The following ANTXR2 variants were observed in gnomAD, a reference collection of about 807,000 sequenced individuals.
The protein encoded by ANTXR2 is ANTXR cell adhesion molecule 2.
ANTXR2 carries 44 observed loss-of-function variants against 73.7 expected under a neutral mutation model. The ratio of observed to expected loss-of-function variants is 0.60; its 90% confidence interval spans 0.47 to 0.77. The LOEUF (loss-of-function observed/expected upper bound fraction) is 0.77, where lower values mean the gene tolerates loss of function less well. ANTXR2 is among the 30% of genes least tolerant of loss of function. The pLI is 0.00. For missense variants in ANTXR2, 604 were observed against 592.5 expected, an observed-to-expected ratio of 1.02 and a Z score of -0.20; for synonymous variants, 217 against 205.9, an observed-to-expected ratio of 1.05 and a Z score of -0.46.
rs1726908091 is a variant in ANTXR2 at position 79,906,342 on chromosome 4, C to G, written c.*1087G>C. 1 of 152,484 alleles carries G rather than the reference C, an allele frequency of 6.6e-6. No homozygotes were observed. The highest frequency in any genetic ancestry group is 1.5e-5 in the Non-Finnish European group (1 of 68,012). 9.4% of individuals were successfully genotyped at this position (152,484 alleles called of 1,614,324 possible). On this transcript the variant is annotated 3_prime_UTR_variant, in exon 17 of 17. Transcript: ENST00000403729. ...CATACAGTAATAGGTCATTCAATGT[C>G]AAAAGGCATAAAAAAGATGAGCAAA...
intron 16 of ANTXR2, among the ~76,000 whole-genome samples, chr4:79,962,344 G>A (rs1366522806): frequency 1.3e-5 from 2 of 152,082 alleles, no homozygotes; most frequent in Non-Finnish European, 2.9e-5. Flanking sequence ...ATGTTCATGA[G>A]ATGGATTATT....
rs377409784 is a variant in ANTXR2, at chr4:80,072,646, C to G, written c.-86G>C. On this transcript the variant is annotated 5_prime_UTR_variant, in exon 1 of 17. Coordinates refer to ENST00000403729, the MANE Select transcript of ANTXR2 (RefSeq NM_058172.6). ...CAAAGGTGGCGGGAGTCACCCGGCACGCACTCTGGGGTGGGGGGCGGCGAG... is the reference window on the plus strand; with the variant it reads ...CAAAGGTGGCGGGAGTCACCCGGCAGGCACTCTGGGGTGGGGGGCGGCGAG... 4.4e-6 allele frequency: 6 copies of G among 1,354,804 alleles called. No homozygotes were observed. In the Admixed American group the frequency reaches 1.8e-4, roughly 42 times the overall value. 83.9% of individuals were successfully genotyped at this position (1,354,804 alleles called of 1,614,324 possible).
intron 15 of ANTXR2, 61 bp downstream of exon 15, chr4:79,977,945 CA>C: frequency 2.0e-6 from 3 of 1,503,444 alleles, no homozygotes; most frequent in South Asian, 2.7e-5. Flanking sequence ...GGATGTGGTA[CA>C]AAAAAAGTTA....
intron 16 of ANTXR2, among the ~76,000 whole-genome samples, chr4:79,974,595 T>C (rs1005273707): frequency 1.3e-5 from 2 of 151,810 alleles, no homozygotes; most frequent in East Asian, 3.8e-4. Context: ...TATATATTAA[T>C]ATATAATAGA....
intron 3 of ANTXR2, among the ~76,000 whole-genome samples, chr4:80,063,467 TAA>T (rs1734355762): frequency 6.6e-6 from 1 of 151,798 alleles, no homozygotes; most frequent in Non-Finnish European, 1.5e-5. Flanking sequence ...CTTGTTGAAA[TAA>T]AATCAAACCA....
intron 13 of ANTXR2, among the ~76,000 whole-genome samples, 195 bp downstream of exon 13, chr4:79,984,624 T>C (rs551428509): frequency 6.6e-6 from 1 of 152,246 alleles, no homozygotes; most frequent in South Asian, 2.1e-4. Context: ...TATCTAGTAA[T>C]GTATGAAGTT....
At chr4:79,931,106 C>A (rs1728038069) in intron 16 of ANTXR2, among the ~76,000 whole-genome samples, 1 of 152,168 alleles carries the variant, frequency 6.6e-6, no homozygotes, top group African/African-American at 2.4e-5. Flanking sequence ...TCTACCAAAT[C>A]TAATCAACTA....
At chr4:80,046,239 C>A (rs1013742450) in intron 7 of ANTXR2, among the ~76,000 whole-genome samples, 1 of 151,710 alleles carries the variant, frequency 6.6e-6, no homozygotes, top group Admixed American at 6.6e-5. Context: ...TCTTCCACAT[C>A]TCACAATTCT....
At chr4:79,966,021 C>A (rs370701223) in intron 16 of ANTXR2, among the ~76,000 whole-genome samples, 5 of 152,102 alleles carry the variant, frequency 3.3e-5, no homozygotes, top group South Asian at 2.1e-4. Context: ...AATAGGATTT[C>A]ACCCTTGCTT....
intron 16 of ANTXR2, among the ~76,000 whole-genome samples, chr4:79,910,558 A>G (rs1727094172): frequency 6.6e-6 from 1 of 151,974 alleles, no homozygotes; most frequent in South Asian, 2.1e-4. Flanking sequence ...ACAAAAACAA[A>G]AAAAACAGAT....
At chr4:79,978,409 A>G (rs978701564) in intron 14 of ANTXR2, among the ~76,000 whole-genome samples, 5 of 152,034 alleles carry the variant, frequency 3.3e-5, no homozygotes, top group African/African-American at 1.2e-4. Flanking sequence ...TCTGGAGCCA[A>G]CTAAATTTGA....
At chr4:80,067,956 C>T (rs1578199717) in intron 3 of ANTXR2, among the ~76,000 whole-genome samples, 1 of 152,128 alleles carries the variant, frequency 6.6e-6, no homozygotes, top group Non-Finnish European at 1.5e-5. Flanking sequence ...AACCTGCATG[C>T]CCTGCACATG....
At chr4:79,910,697 C>G (rs1257685568) in intron 16 of ANTXR2, among the ~76,000 whole-genome samples, 1 of 151,934 alleles carries the variant, frequency 6.6e-6, no homozygotes, top group Non-Finnish European at 1.5e-5. Flanking sequence ...ATCACACAGA[C>G]CTCCACTGGT....
intron 16 of ANTXR2, among the ~76,000 whole-genome samples, chr4:79,944,064 CCA>C (rs1278373810): frequency 1.5e-5 from 2 of 129,866 alleles, no homozygotes; most frequent in Non-Finnish European, 1.6e-5. Flanking sequence ...TTAAAACCTT[CCA>C]GAGGCTTTGC....
chr4:80,022,424 A>G (rs896299141), intron 10 of ANTXR2, among the ~76,000 whole-genome samples: 9 of 152,346 alleles, frequency 5.9e-5, no homozygotes, highest in African/African-American at 2.2e-4. Context: ...TTGGTATGGT[A>G]CTGGCACCAT....
intron 1 of ANTXR2, 125 bp downstream of exon 1, chr4:80,072,284 A>T: frequency 9.0e-7 from 1 of 1,116,364 alleles, no homozygotes; most frequent in Non-Finnish European, 1.2e-6. Context: ...GAAGACAGCA[A>T]CAGGGCACCC....
chr4:79,976,702 A>G (rs565590966), intron 16 of ANTXR2, among the ~76,000 whole-genome samples: 181 of 152,300 alleles, frequency 1.2e-3, no homozygotes, highest in Non-Finnish European at 1.9e-3. Context: ...CGCTTCAACA[A>G]AAGTTGCTAA....
At chr4:79,923,631 G>A (rs1243108799) in intron 16 of ANTXR2, among the ~76,000 whole-genome samples, 1 of 152,066 alleles carries the variant, frequency 6.6e-6, no homozygotes, top group African/African-American at 2.4e-5. Context: ...GCCATTGTGA[G>A]CCTTAGATCG....
At chr4:80,024,720 C>A in intron 10 of ANTXR2, 1 of 452,196 alleles carries the variant, frequency 2.2e-6, no homozygotes, top group Non-Finnish European at 4.4e-6. Flanking sequence ...CAGATCATGC[C>A]ACTTCACTCC....
Sources: allele counts gnomAD v4.1 joint callset (sites outside exome capture counted in the v4.1 genomes callset), GRCh38; gene constraint gnomAD v4.1.1; transcripts MANE v1.5; gene names NCBI Gene and HGNC (gene_info 2026-07-23, HGNC 2026-07-21).